The following LRRC49 variants were observed in gnomAD, a reference collection of about 807,000 sequenced individuals.
LRRC49 encodes leucine rich repeat containing 49.
LRRC49 carries 50 observed loss-of-function variants against 83.3 expected under a neutral mutation model. The observed-to-expected ratio is 0.60, with a 90% CI of 0.48 to 0.76. LRRC49 has a LOEUF of 0.76. Among genes scored for constraint, LRRC49 ranks in the 30% least tolerant of loss-of-function variants. The probability of loss-of-function intolerance (pLI) is 0.00; values close to 1 mark genes in which losing one functional copy is unlikely to be tolerated. For synonymous variants in LRRC49, 286 were observed against 283.3 expected (o/e 1.01, Z -0.10); for missense variants, 704 against 809.1 (o/e 0.87, Z 1.58).
intron 6 of LRRC49, 57 bp downstream of exon 6, chr15:70,911,655 A>G (rs985361283): frequency 5.5e-6 from 6 of 1,089,220 alleles, no homozygotes; most frequent in South Asian, 1.5e-5. Context: ...GGAAAATGGT[A>G]TAAAAGTTTT....
At chr15:71,047,936 T>G (rs1199662777) in intron 15 of LRRC49, among the ~76,000 whole-genome samples, 1 of 151,118 alleles carries the variant, frequency 6.6e-6, no homozygotes, top group Non-Finnish European at 1.5e-5. Flanking sequence ...GCCACAACCC[T>G]GGCTAATTTT....
At chr15:71,003,079 A>G (rs2038324676) in intron 11 of LRRC49, among the ~76,000 whole-genome samples, 1 of 150,218 alleles carries the variant, frequency 6.7e-6, no homozygotes, top group African/African-American at 2.4e-5. Context: ...CTGGGATTAC[A>G]GGCATGCACC....
chr15:71,030,334 A>T (rs1056787926), intron 14 of LRRC49, among the ~76,000 whole-genome samples: 2 of 152,072 alleles, frequency 1.3e-5, no homozygotes, highest in Non-Finnish European at 2.9e-5. Flanking sequence ...AAGAATGTTG[A>T]ATATAGGCCA....
intron 7 of LRRC49, among the ~76,000 whole-genome samples, chr15:70,923,491 G>A (rs1357735759): frequency 6.6e-6 from 1 of 151,880 alleles, no homozygotes; most frequent in Non-Finnish European, 1.5e-5. Context: ...CATTAAGCAA[G>A]TATTTTATGA....
chr15:71,007,175 T>A (rs1274642444), intron 11 of LRRC49, among the ~76,000 whole-genome samples: 2 of 152,026 alleles, frequency 1.3e-5, no homozygotes, highest in Non-Finnish European at 2.9e-5. Flanking sequence ...ACCTCTGAAA[T>A]AAGTATGATA....
At chr15:71,001,853 G>A (rs796112844) in intron 11 of LRRC49, among the ~76,000 whole-genome samples, 12 of 152,080 alleles carry the variant, frequency 7.9e-5, no homozygotes, top group African/African-American at 2.9e-4. Context: ...CACCACGCCC[G>A]GTTAATTTTT....
intron 10 of LRRC49, 94 bp from the exon 11 acceptor site, chr15:70,984,000 A>G (rs1426940906): frequency 8.0e-6 from 7 of 878,342 alleles, no homozygotes; most frequent in Non-Finnish European, 1.3e-5. Context: ...TTTTAAAAGT[A>G]TTATAAGAAG....
chr15:70,941,346 A>C (rs2035806901), intron 8 of LRRC49, among the ~76,000 whole-genome samples: 1 of 152,144 alleles, frequency 6.6e-6, no homozygotes, highest in Non-Finnish European at 1.5e-5. Context: ...TTATTTCAAT[A>C]CTACTTTATT....
At chr15:70,913,141 C>T (rs1036319625) in intron 6 of LRRC49, among the ~76,000 whole-genome samples, 3 of 152,166 alleles carry the variant, frequency 2.0e-5, no homozygotes, top group Admixed American at 2.0e-4. Context: ...GTCTCTTCTG[C>T]AGTGATAAGC....
At chr15:70,940,872 T>G (rs1357266403) in intron 8 of LRRC49, among the ~76,000 whole-genome samples, 1 of 152,216 alleles carries the variant, frequency 6.6e-6, no homozygotes, top group Non-Finnish European at 1.5e-5. Context: ...CAGTACCCAT[T>G]TATCTACTGA....
At chr15:71,045,890 A>G (rs2039840203) in intron 15 of LRRC49, among the ~76,000 whole-genome samples, 2 of 152,008 alleles carry the variant, frequency 1.3e-5, no homozygotes. Context: ...TGTTGTTCCC[A>G]TCTTCCATGT....
chr15:70,877,261 A>G (rs891236048), intron 2 of LRRC49, among the ~76,000 whole-genome samples: 1 of 152,210 alleles, frequency 6.6e-6, no homozygotes, highest in Non-Finnish European at 1.5e-5. Flanking sequence ...AACTATTAAT[A>G]CAATGTATGT....
At chr15:71,024,052 G>T (rs2039080267) in intron 14 of LRRC49, among the ~76,000 whole-genome samples, 2 of 152,238 alleles carry the variant, frequency 1.3e-5, no homozygotes, top group Admixed American at 1.3e-4. Context: ...TACTAGGTAG[G>T]GCCTCCCTGC....
At chr15:70,870,914 T>C (rs1284708682) in intron 1 of LRRC49, among the ~76,000 whole-genome samples, 1 of 152,090 alleles carries the variant, frequency 6.6e-6, no homozygotes, top group African/African-American at 2.4e-5. Context: ...TGCAAGATAT[T>C]TGAGGGCAGG....
chr15:70,931,723 A>G (rs1397949040), intron 7 of LRRC49, among the ~76,000 whole-genome samples: 1 of 152,132 alleles, frequency 6.6e-6, no homozygotes, highest in South Asian at 2.1e-4. Flanking sequence ...CTGTTGCCTG[A>G]AAGTTCTACT....
intron 7 of LRRC49, among the ~76,000 whole-genome samples, chr15:70,930,887 G>A (rs368935128): frequency 6.6e-6 from 1 of 152,172 alleles, no homozygotes; most frequent in Non-Finnish European, 1.5e-5. Flanking sequence ...GAGAGTTAAG[G>A]CCTTGTTCTG....
At chr15:70,858,765 G>T in intron 1 of LRRC49, 1 of 1,148,924 alleles carries the variant, frequency 8.7e-7, no homozygotes. Flanking sequence ...TCTGGCCCCC[G>T]GGCCTTCAGC....
chr15:70,894,307 T>G (rs2033729174), intron 2 of LRRC49, among the ~76,000 whole-genome samples: 1 of 152,160 alleles, frequency 6.6e-6, no homozygotes, highest in Non-Finnish European at 1.5e-5. Context: ...TGGTATGTCT[T>G]ACTACTAATG....
At chr15:70,866,608 A>G (rs2032919566) in intron 1 of LRRC49, among the ~76,000 whole-genome samples, 2 of 152,164 alleles carry the variant, frequency 1.3e-5, no homozygotes, top group African/African-American at 4.8e-5. Flanking sequence ...ATCATCTTCA[A>G]GATCAAATTA....
Sources: allele counts gnomAD v4.1 joint callset (sites outside exome capture counted in the v4.1 genomes callset), GRCh38; gene constraint gnomAD v4.1.1; transcripts MANE v1.5; gene names NCBI Gene and HGNC (gene_info 2026-07-23, HGNC 2026-07-21).